The following PARD3 variants were observed in gnomAD, a reference collection of about 807,000 sequenced individuals.
PARD3 encodes par-3 family cell polarity regulator.
A neutral mutation model predicts 155.4 loss-of-function variants in PARD3; 75 were observed. The ratio of observed to expected loss-of-function variants is 0.48; its 90% confidence interval spans 0.40 to 0.58. PARD3 has a LOEUF of 0.58. Ranked by LOEUF, PARD3 falls within the 20% of genes least tolerant of loss-of-function variation. The pLI is 0.00. For missense variants in PARD3, 1,642 were observed against 1,721.7 expected, an observed-to-expected ratio of 0.95 and a Z score of 0.82; for synonymous variants, 576 against 610.5, an observed-to-expected ratio of 0.94 and a Z score of 0.83.
intron 22 of PARD3, among the ~76,000 whole-genome samples, chr10:34,248,179 A>G (rs916743626): frequency 6.6e-6 from 1 of 152,210 alleles, no homozygotes; most frequent in Non-Finnish European, 1.5e-5. Flanking sequence ...CATTTTGCTA[A>G]CAACTTTCAT....
intron 1 of PARD3, among the ~76,000 whole-genome samples, chr10:34,739,465 TG>T (rs895793189): frequency 2.6e-5 from 4 of 152,222 alleles, no homozygotes; most frequent in Admixed American, 6.5e-5. Context: ...AGCGTCCACC[TG>T]ACTTATATTA....
intron 2 of PARD3, among the ~76,000 whole-genome samples, chr10:34,557,214 G>C (rs2085075210): frequency 6.6e-6 from 1 of 152,168 alleles, no homozygotes; most frequent in African/African-American, 2.4e-5. Flanking sequence ...TGTTGGTTTT[G>C]AGGAGAAAAA....
intron 4 of PARD3, among the ~76,000 whole-genome samples, chr10:34,454,961 A>C (rs924574890): frequency 6.6e-6 from 1 of 152,120 alleles, no homozygotes; most frequent in African/African-American, 2.4e-5. Flanking sequence ...CAATTCAGGA[A>C]AACTATATAG....
chr10:34,503,335 A>C (rs1334645453), intron 3 of PARD3, among the ~76,000 whole-genome samples: 1 of 152,218 alleles, frequency 6.6e-6, no homozygotes, highest in African/African-American at 2.4e-5. Context: ...CTAGCAGTTC[A>C]CTAAAATGCC....
At chr10:34,500,469 C>T (rs749615495) in intron 3 of PARD3, among the ~76,000 whole-genome samples, 10 of 152,166 alleles carry the variant, frequency 6.6e-5, no homozygotes, top group Admixed American at 1.3e-4. Flanking sequence ...AGGCCAGGCA[C>T]GGTGGCTCAC....
intron 1 of PARD3, among the ~76,000 whole-genome samples, chr10:34,790,540 C>T (rs1263492221): frequency 1.3e-5 from 2 of 152,124 alleles, no homozygotes; most frequent in Non-Finnish European, 2.9e-5. Context: ...GAAAAACCAG[C>T]ATCCATGCAA....
At chr10:34,449,419 TA>T (rs567564128) in intron 5 of PARD3, among the ~76,000 whole-genome samples, 11 of 108,526 alleles carry the variant, frequency 1.0e-4, no homozygotes, top group South Asian at 3.0e-4. Context: ...ACTGAAGCAT[TA>T]AAAAAAAAAC....
intron 22 of PARD3, among the ~76,000 whole-genome samples, chr10:34,145,216 TATATA>T (rs1300406289): frequency 1.2e-3 from 94 of 79,152 alleles, no homozygotes; most frequent in East Asian, 3.5e-3. Flanking sequence ...TATATATATA[TATATA>T]TTTTTTTTTT....
intron 1 of PARD3, among the ~76,000 whole-genome samples, chr10:34,785,351 A>AT (rs1564617622): frequency 6.6e-6 from 1 of 152,184 alleles, no homozygotes; most frequent in Non-Finnish European, 1.5e-5. Flanking sequence ...TAAATCCACA[A>AT]TTTTATATCC....
In PARD3 at chr10:34,606,291, C is replaced by T. The variant is rs139803436; in HGVS notation, c.223-89132G>A. 5.1e-3 allele frequency among the ~76,000 whole-genome samples: 767 copies of T among 149,942 alleles called. 1 individual carries two copies. Among genetic ancestry groups the T allele is most frequent in the Admixed American group, 0.01 (151 of 14,866 alleles). ...TGCAGGTGTGTACAGTCACGTGCTC[C>T]GGGTGCAGAGAAAGGCAGTATAGGC... On this transcript the variant is annotated intron_variant, in intron 2 of 24. Transcript: ENST00000374788.
At chr10:34,276,163 C>G (rs1955867048) in intron 21 of PARD3, among the ~76,000 whole-genome samples, 1 of 151,944 alleles carries the variant, frequency 6.6e-6, no homozygotes, top group Non-Finnish European at 1.5e-5. Flanking sequence ...CAATTAAAAC[C>G]TTTTATCAAG....
Position 34,336,231 on chromosome 10 carries a change from G to A in PARD3, c.2573C>T (p.Thr858Ile). ...KSMDLGIADE[T>I]KLNTVDDQKA... The stretch of plus-strand genomic sequence containing the variant: ...CTGGTCATCCACTGTATTGAGTTTA[G>A]TCTCGTCAGCTACTGTTAAAAGGTA... The change falls in exon 18 of 25, where the codon ACT (threonine) becomes ATT (isoleucine). Residue 858 changes from threonine to isoleucine, a missense_variant. Thr to Ile is a moderately conservative substitution (Grantham distance 89, BLOSUM62 -1). Transcript: ENST00000374788. 6.2e-7 allele frequency: 1 copy of A among 1,612,082 alleles called. No homozygotes were observed. The highest frequency in any genetic ancestry group is 8.5e-7 in the Non-Finnish European group (1 of 1,178,472).
At chr10:34,239,777 T>A (rs1953463073) in intron 22 of PARD3, among the ~76,000 whole-genome samples, 1 of 145,902 alleles carries the variant, frequency 6.9e-6, no homozygotes, top group Admixed American at 7.0e-5. Context: ...CATTCTAGCC[T>A]GGGCAATGGA....
chr10:34,684,553 G>A (rs1044288745), intron 2 of PARD3, among the ~76,000 whole-genome samples: 1 of 151,780 alleles, frequency 6.6e-6, no homozygotes, highest in Non-Finnish European at 1.5e-5. Context: ...CAGCCCAATC[G>A]CCATCAATTT....
At chr10:34,748,758 A>G (rs1020877314) in intron 1 of PARD3, among the ~76,000 whole-genome samples, 6 of 152,264 alleles carry the variant, frequency 3.9e-5, no homozygotes, top group South Asian at 4.1e-4. Context: ...GACAGACTTG[A>G]GCACCCGCTC....
chr10:34,282,323 TA>T, intron 21 of PARD3, among the ~76,000 whole-genome samples: 1 of 152,326 alleles, frequency 6.6e-6, no homozygotes, highest in Middle Eastern at 3.4e-3. Context: ...AGGCCTCCTG[TA>T]CATTGTAAAT....
chr10:34,204,989 C>T lies in PARD3; in HGVS notation c.3419+64668G>A, dbSNP rs72786217. Among the ~76,000 whole-genome samples, 320 of 152,256 alleles carry T rather than the reference C, an allele frequency of 2.1e-3. 1 individual carries two copies. Among genetic ancestry groups the T allele is most frequent in the Admixed American group, 4.7e-3 (72 of 15,298 alleles). On this transcript the variant is annotated intron_variant, in intron 22 of 24. Transcript: ENST00000374788. ...GACAGTCAACCGTAATTAAGCCAAACGATTGTGCCTGCATCATTATAGCAA... is the reference window on the plus strand; with the variant it reads ...GACAGTCAACCGTAATTAAGCCAAATGATTGTGCCTGCATCATTATAGCAA...
In PARD3 at chr10:34,116,869, G is replaced by T. The variant is rs577874372; in HGVS notation, c.3668+2744C>A. ...GGTAGCGGCTGCAACCCTCCTCTGC[G>T]TGTAAATATAGATATCTCTACCAGG... is the stretch of plus-strand genomic sequence containing the variant. On this transcript the variant is annotated intron_variant, in intron 24 of 24. Coordinates refer to ENST00000374788, the MANE Select transcript of PARD3 (RefSeq NM_001184785.2). 1.7e-3 allele frequency among the ~76,000 whole-genome samples: 255 copies of T among 152,308 alleles called. 1 individual carries two copies. Among genetic ancestry groups the T allele is most frequent in the Non-Finnish European group, 5.7e-4 (39 of 68,038 alleles).
chr10:34,700,646 G>C (rs2094257338), intron 1 of PARD3, among the ~76,000 whole-genome samples: 1 of 152,116 alleles, frequency 6.6e-6, no homozygotes, highest in African/African-American at 2.4e-5. Context: ...TGAAGGCAAA[G>C]AAACAATCAT....
Sources: gnomAD v4.1 joint callset for allele counts (sites outside exome capture counted in the v4.1 genomes callset) on GRCh38, gnomAD v4.1.1 for gene constraint, MANE v1.5 for transcripts, NCBI Gene and HGNC (gene_info 2026-07-23, HGNC 2026-07-21) for gene names.